TOMM40: variants seen among roughly 807,000 people sequenced by gnomAD.
TOMM40 encodes mitochondrial import receptor subunit TOM40 homolog.
A neutral mutation model predicts 38.4 loss-of-function variants in TOMM40; 9 were observed. The observed-to-expected ratio is 0.23, with a 90% CI of 0.14 to 0.41. The LOEUF (loss-of-function observed/expected upper bound fraction) is 0.41, where lower values mean the gene tolerates loss of function less well. Among genes scored for constraint, TOMM40 ranks in the 10% least tolerant of loss-of-function variants. The pLI is 1.00. For missense variants in TOMM40, 299 were observed against 486.5 expected (o/e 0.61, Z 3.63); for synonymous variants, 184 against 210.0 (o/e 0.88, Z 1.07).
Position 44,901,243 on chromosome 19 carries a change from G to A in TOMM40, c.879G>A (p.Arg293=), listed in dbSNP as rs752609736. Residue 293 remains arginine, a synonymous_variant, in exon 8 of 9, where the codon AGG becomes AGA. Transcript: ENST00000426677. ...QVGVEFEAST[R]MQDTSVSFGY... is the part of the protein sequence containing the mutation. ...GTGTGGAGTTTGAGGCCAGCACAAG[G>A]ATGCAGGACACCAGCGTCTCCTTCG... 2 of 1,614,130 alleles carry A rather than the reference G, an allele frequency of 1.2e-6. No individual in the cohort carries two copies. The highest frequency in any genetic ancestry group is 2.2e-5 in the South Asian group (2 of 91,066).
At chr19:44,899,528 T>A (rs778904975) in intron 5 of TOMM40, among the ~76,000 whole-genome samples, 13 of 152,046 alleles carry the variant, frequency 8.6e-5, no homozygotes, top group Non-Finnish European at 1.5e-4. Context: ...TTTCCCAAGC[T>A]GGTTTCGAAT....
intron 5 of TOMM40, among the ~76,000 whole-genome samples, chr19:44,898,375 A>G (rs573809254): frequency 1.3e-5 from 2 of 149,008 alleles, no homozygotes; most frequent in African/African-American, 5.0e-5. Context: ...GTGGCCCCCA[A>G]CCTCCCTTCC....
At chr19:44,893,272 T>C (rs1969502838) in intron 3 of TOMM40, among the ~76,000 whole-genome samples, 1 of 152,042 alleles carries the variant, frequency 6.6e-6, no homozygotes, top group African/African-American at 2.4e-5. Flanking sequence ...TAGGGGGTTG[T>C]GGAGAGTCAT....
chr19:44,893,732 T>C (rs1427934152), intron 3 of TOMM40, 48 bp from the exon 4 acceptor site: 3 of 1,544,866 alleles, frequency 1.9e-6, no homozygotes, highest in Non-Finnish European at 2.7e-6. Context: ...TCTCACATAC[T>C]TGCACAGTGC....
intron 3 of TOMM40, 42 bp from the exon 4 acceptor site, chr19:44,893,738 A>T: frequency 1.3e-6 from 2 of 1,559,274 alleles, no homozygotes; most frequent in African/African-American, 2.7e-5. Context: ...ATACTTGCAC[A>T]GTGCACCACC....
intron 5 of TOMM40, among the ~76,000 whole-genome samples, chr19:44,900,282 G>C (rs1477033934): frequency 6.6e-6 from 1 of 152,202 alleles, no homozygotes. Context: ...GCCTGTGGCA[G>C]GGCTGGGATT....
In TOMM40 at chr19:44,900,764, G is replaced by A. The variant is rs568115104; in HGVS notation, c.678G>A (p.Thr226=). The part of the protein sequence containing the change: ...ILVAHYLQSI[T]PCLALGGELV... ...TAGCCCACTACCTCCAGAGCATCAC[G>A]CCTTGCCTGGCCCTGGGTGGAGAGC... is the stretch of plus-strand genomic sequence containing the variant. Residue 226 remains threonine, a synonymous_variant, in exon 6 of 9, where the codon ACG becomes ACA. Coordinates refer to ENST00000426677, the MANE Select transcript of TOMM40 (RefSeq NM_001128917.2). 4.3e-5 allele frequency: 70 copies of A among 1,613,098 alleles called. No homozygotes were observed. Among genetic ancestry groups the A allele is most frequent in the African/African-American group, 1.7e-4 (13 of 75,036 alleles).
chr19:44,892,116 GTTAACTCAT>G (rs1568605467), intron 1 of TOMM40, among the ~76,000 whole-genome samples: 2 of 152,284 alleles, frequency 1.3e-5, no homozygotes, highest in African/African-American at 4.8e-5. Flanking sequence ...TTCATTATAC[GTTAACTCAT>G]TAGATCCTTG....
chr19:44,893,081 A>T, intron 3 of TOMM40, 152 bp downstream of exon 3: 1 of 647,582 alleles, frequency 1.5e-6, no homozygotes. Flanking sequence ...TGGGACACAA[A>T]TAATTCCTTC....
chr19:44,902,666 C>G (rs1969704498), intron 8 of TOMM40: 1 of 173,418 alleles, frequency 5.8e-6, no homozygotes, highest in Non-Finnish European at 1.2e-5. Context: ...CTGTGGCTCA[C>G]AGATTTTGGG....
intron 3 of TOMM40, among the ~76,000 whole-genome samples, chr19:44,893,218 A>C (rs1969501864): frequency 6.6e-6 from 1 of 152,196 alleles, no homozygotes; most frequent in Non-Finnish European, 1.5e-5. Context: ...TGGACTGTAG[A>C]TCATGCAGAA....
intron 5 of TOMM40, among the ~76,000 whole-genome samples, chr19:44,897,816 T>C (rs1969596182): frequency 6.9e-6 from 1 of 143,952 alleles, no homozygotes; most frequent in South Asian, 2.2e-4. Flanking sequence ...GAGATGGGGG[T>C]CTCGCCATGT....
At position 44,903,200 on chromosome 19, in the gene TOMM40, C is replaced by T; in HGVS notation, c.*31C>T. ...CCTGGCCCCCGCCTTCCACGCCCTT[C>T]CGATTCCACCTCCACCTCCACCTCC... On this transcript the variant is annotated 3_prime_UTR_variant, in exon 9 of 9. Coordinates refer to ENST00000426677, the MANE Select transcript of TOMM40 (RefSeq NM_001128917.2). 1.9e-6 allele frequency: 3 copies of T among 1,582,558 alleles called. No homozygotes were observed. Among genetic ancestry groups the T allele is most frequent in the African/African-American group, 1.3e-5 (1 of 74,086 alleles).
At chr19:44,892,362 A>G (rs2075650) in intron 1 of TOMM40, 31 bp from the exon 2 acceptor site, 225,328 of 1,608,116 alleles carry the variant, frequency 0.14, 16,065 homozygotes, top group Non-Finnish European at 0.15. Context: ...GTGGGGTTGG[A>G]GTGGAGTGTG....
chr19:44,898,929 G>C (rs1390714905), intron 5 of TOMM40, among the ~76,000 whole-genome samples: 1 of 151,612 alleles, frequency 6.6e-6, no homozygotes, highest in East Asian at 2.0e-4. Context: ...CGGATCACGA[G>C]GTCAGGAGAT....
chr19:44,891,475 G>C lies in TOMM40; in HGVS notation c.60G>C (p.Pro20=). The change falls in exon 1 of 9, where the codon CCG becomes CCC. Residue 20 remains proline, a synonymous_variant. Transcript: ENST00000426677. ...PPAGPPPPPA[P]ALVGLPPPPP... is the part of the protein sequence containing the mutation. ...CAGGGCCGCCACCGCCGCCTGCGCC[G>C]GCCCTCGTGGGGCTGCCGCCACCTC... is the stretch of plus-strand genomic sequence containing the variant. 2 of 1,314,338 alleles carry C rather than the reference G, an allele frequency of 1.5e-6. No homozygotes were observed. Among genetic ancestry groups the C allele is most frequent in the African/African-American group, 1.5e-5 (1 of 64,946 alleles). 81.4% of individuals were successfully genotyped at this position (1,314,338 alleles called of 1,614,324 possible).
intron 1 of TOMM40, among the ~76,000 whole-genome samples, chr19:44,892,116 G>A (rs577478215): frequency 6.6e-6 from 1 of 152,284 alleles, no homozygotes; most frequent in African/African-American, 2.4e-5. Flanking sequence ...TTCATTATAC[G>A]TTAACTCATT....
chr19:44,899,511 C>T (rs1193188649), intron 5 of TOMM40, among the ~76,000 whole-genome samples: 2 of 151,920 alleles, frequency 1.3e-5, no homozygotes, highest in African/African-American at 4.8e-5. Context: ...TTTTTGTATT[C>T]GCTATGTTTC....
chr19:44,900,846 T>A lies in TOMM40; in HGVS notation c.760T>A (p.Tyr254Asn). Reference protein sequence around the residue: ...EGTVMSLAGKYTLNNWLATVT... With the variant: ...EGTVMSLAGKNTLNNWLATVT... ...CACTGTCATGTCTCTAGCTGGGAAA[T>A]ACACATGTGAGCCTGGCGCCTGGGT... The change falls in exon 6 of 9, where the codon TAC becomes AAC. Residue 254 changes from tyrosine to asparagine, a missense_variant. Coordinates refer to ENST00000426677, the MANE Select transcript of TOMM40 (RefSeq NM_001128917.2). 6.2e-7 allele frequency: 1 copy of A among 1,613,880 alleles called. No individual in the cohort carries two copies. Among genetic ancestry groups the A allele is most frequent in the African/African-American group, 1.3e-5 (1 of 75,034 alleles).
Sources: gnomAD v4.1 joint callset for allele counts (sites outside exome capture counted in the v4.1 genomes callset) on GRCh38, gnomAD v4.1.1 for gene constraint, MANE v1.5 for transcripts, NCBI Gene and HGNC (gene_info 2026-07-23, HGNC 2026-07-21) for gene names.